The following SNX24 variants were observed in gnomAD, a reference collection of about 807,000 sequenced individuals.
SNX24 encodes sorting nexin-24.
Under a neutral mutation model 28.7 loss-of-function variants are expected in SNX24, and 22 were observed. The observed-to-expected ratio is 0.77, with a 90% CI of 0.55 to 1.10. The LOEUF is 1.10. Among genes scored for constraint, SNX24 ranks in the 50% least tolerant of loss-of-function variants. The probability of loss-of-function intolerance (pLI) is 0.00; values close to 1 mark genes in which losing one functional copy is unlikely to be tolerated. For missense variants in SNX24, 221 were observed against 201.1 expected (o/e 1.10, Z -0.60); for synonymous variants, 69 against 71.5 (o/e 0.96, Z 0.18).
rs1187026620 is a variant in SNX24 at position 122,883,392 on chromosome 5, TATG to T, written c.60+37702_60+37704del. Among the ~76,000 whole-genome samples the T allele has an allele frequency of 4.3e-4, 66 of 152,350 alleles. 1 individual carries two copies. The highest frequency in any genetic ancestry group is 4.2e-3 in the Admixed American group (65 of 15,310). ...ATAGCATTTTCTGTATTTATTAATA[TATG>T]ATTATAGTTAAATTTATTGAACAGA... On this transcript the variant is annotated intron_variant, in intron 1 of 6. Transcript: ENST00000261369.
chr5:123,002,518 G>A (rs1383376302), intron 6 of SNX24, among the ~76,000 whole-genome samples: 1 of 152,158 alleles, frequency 6.6e-6, no homozygotes, highest in Non-Finnish European at 1.5e-5. Context: ...TATAATCCCA[G>A]CTACTCGGGA....
chr5:122,898,614 AG>A (rs1383757895), intron 1 of SNX24, among the ~76,000 whole-genome samples: 2 of 152,170 alleles, frequency 1.3e-5, no homozygotes, highest in Non-Finnish European at 2.9e-5. Context: ...GTATAGGTTA[AG>A]TGTAGGGCTT....
chr5:122,887,122 T>C lies in SNX24; in HGVS notation c.60+41429T>C, dbSNP rs548723527. On this transcript the variant is annotated intron_variant, in intron 1 of 6. Transcript: ENST00000261369. ...CTCTGGGTGATAATCATTAATAAAA[T>C]AAATAAAAATAAGTAGATAAGTCAG... Among the ~76,000 whole-genome samples, 48 of 152,294 alleles carry C rather than the reference T, an allele frequency of 3.2e-4. 1 individual carries two copies. In the South Asian group the frequency reaches 4.8e-3, roughly 15 times the overall value.
intron 5 of SNX24, among the ~76,000 whole-genome samples, chr5:123,019,886 G>T (rs1442390242): frequency 6.6e-6 from 1 of 152,228 alleles, no homozygotes; most frequent in East Asian, 1.9e-4. Context: ...TCTGTATGAG[G>T]CCTGACCCTT....
chr5:122,868,993 C>T (rs558147253), intron 1 of SNX24, among the ~76,000 whole-genome samples: 2 of 152,064 alleles, frequency 1.3e-5, no homozygotes, highest in African/African-American at 2.4e-5. Context: ...AAATGAGAAA[C>T]GTTTTTACAT....
At chr5:123,003,423 T>A (rs1356618101) in intron 6 of SNX24, among the ~76,000 whole-genome samples, 1 of 152,238 alleles carries the variant, frequency 6.6e-6, no homozygotes, top group East Asian at 1.9e-4. Context: ...TTAACAAATA[T>A]TCATAATGCA....
chr5:122,973,471 C>T (rs1306356589), intron 3 of SNX24, among the ~76,000 whole-genome samples: 1 of 152,184 alleles, frequency 6.6e-6, no homozygotes, highest in Non-Finnish European at 1.5e-5. Context: ...AGGACCTAGT[C>T]ATCTCTTCCA....
chr5:122,999,902 G>A lies in SNX24; in HGVS notation c.250-10G>A, dbSNP rs763315543. The A allele has an allele frequency of 1.3e-6, 2 of 1,562,818 alleles. No individual in the cohort carries two copies. Among genetic ancestry groups the A allele is most frequent in the African/African-American group, 1.4e-5 (1 of 73,900 alleles). On this transcript the variant is annotated splice_polypyrimidine_tract_variant and intron_variant, in intron 3 of 6. Transcript: ENST00000261369. ...ACTTCAGTTTCGAATTCTGTTTTCTGCTTTCACAGGCTGTCATTTTAGAAA... is the reference window on the plus strand; with the variant it reads ...ACTTCAGTTTCGAATTCTGTTTTCTACTTTCACAGGCTGTCATTTTAGAAA...
At chr5:122,982,506 G>C (rs35157167) in intron 3 of SNX24, among the ~76,000 whole-genome samples, 33,937 of 152,146 alleles carry the variant, frequency 0.22, 4,828 homozygotes, top group Non-Finnish European at 0.33. Context: ...GTAGTTATCA[G>C]AATATAGGGC....
At chr5:122,978,129 C>T (rs909037977) in intron 3 of SNX24, among the ~76,000 whole-genome samples, 1 of 152,040 alleles carries the variant, frequency 6.6e-6, no homozygotes, top group Non-Finnish European at 1.5e-5. Flanking sequence ...TAATCTTTAA[C>T]AATGCACTTT....
At chr5:122,848,772 G>C (rs1754768049) in intron 1 of SNX24, among the ~76,000 whole-genome samples, 1 of 152,124 alleles carries the variant, frequency 6.6e-6, no homozygotes, top group South Asian at 2.1e-4. Context: ...TTCAGTAATA[G>C]GAAGTTTAAG....
chr5:122,932,574 T>A (rs530727177), intron 1 of SNX24, among the ~76,000 whole-genome samples: 16 of 152,296 alleles, frequency 1.1e-4, no homozygotes, highest in African/African-American at 2.9e-4. Flanking sequence ...ATATACCCAA[T>A]TAATTCTCAT....
chr5:122,944,014 C>A (rs1348022308), intron 2 of SNX24, among the ~76,000 whole-genome samples: 1 of 152,214 alleles, frequency 6.6e-6, no homozygotes, highest in Non-Finnish European at 1.5e-5. Context: ...TAAAATAGAA[C>A]AAGTGATTCC....
intron 1 of SNX24, among the ~76,000 whole-genome samples, chr5:122,850,507 G>C (rs555547233): frequency 6.6e-6 from 1 of 152,280 alleles, no homozygotes; most frequent in African/African-American, 2.4e-5. Flanking sequence ...AAAATGATCA[G>C]AAAGGAGAGG....
chr5:122,961,374 T>C (rs1243733529), intron 3 of SNX24, among the ~76,000 whole-genome samples: 1 of 152,176 alleles, frequency 6.6e-6, no homozygotes, highest in Admixed American at 6.5e-5. Flanking sequence ...TGAGGGTTGA[T>C]AAAAGAGGGA....
chr5:122,955,885 G>A (rs1430423716), intron 3 of SNX24, among the ~76,000 whole-genome samples: 1 of 152,146 alleles, frequency 6.6e-6, no homozygotes, highest in Non-Finnish European at 1.5e-5. Flanking sequence ...GCCTTATAAG[G>A]GTGGAAGTCT....
At chr5:122,936,686 T>C (rs915992131) in intron 1 of SNX24, 48 bp from the exon 2 acceptor site, 2 of 1,074,248 alleles carry the variant, frequency 1.9e-6, no homozygotes, top group Non-Finnish European at 2.8e-6. Flanking sequence ...CATCAGACAA[T>C]TGAGGGTTTT....
intron 1 of SNX24, among the ~76,000 whole-genome samples, chr5:122,889,587 G>A (rs935624843): frequency 1.4e-5 from 2 of 143,700 alleles, no homozygotes; most frequent in South Asian, 2.2e-4. Flanking sequence ...TACTCAATCC[G>A]TGTATGTGTA....
At chr5:122,854,842 T>A (rs1755109547) in intron 1 of SNX24, among the ~76,000 whole-genome samples, 1 of 152,216 alleles carries the variant, frequency 6.6e-6, no homozygotes, top group Non-Finnish European at 1.5e-5. Context: ...ATTTTTTGGT[T>A]TAATAATGCA....
Sources: gnomAD v4.1 joint callset for allele counts (sites outside exome capture counted in the v4.1 genomes callset) on GRCh38, gnomAD v4.1.1 for gene constraint, MANE v1.5 for transcripts, NCBI Gene and HGNC (gene_info 2026-07-23, HGNC 2026-07-21) for gene names.